Variants in TMEM245 observed in about 807,000 individuals in gnomAD.
TMEM245 encodes the protein protein CG-2.
A neutral mutation model predicts 101.2 loss-of-function variants in TMEM245; 69 were observed. That is an observed-to-expected ratio of 0.68 (90% CI 0.56 to 0.83). The LOEUF is 0.83. TMEM245 is among the 40% of genes least tolerant of loss of function. TMEM245 has a pLI of 0.00. For missense variants in TMEM245, 1,075 were observed against 1,092.8 expected, an observed-to-expected ratio of 0.98 and a Z score of 0.23; for synonymous variants, 537 against 449.8, an observed-to-expected ratio of 1.19 and a Z score of -2.45.
At chr9:109,057,409 C>T (rs1828872674) in intron 11 of TMEM245, 87 bp from the exon 12 acceptor site, 10 of 1,453,868 alleles carry the variant, frequency 6.9e-6, no homozygotes, top group Non-Finnish European at 9.4e-6. Context: ...TTCAGGTCCC[C>T]TTCATCACTT....
chr9:109,119,283 C>G (rs1273109880), intron 1 of TMEM245, 52 bp downstream of exon 1: 3 of 1,490,648 alleles, frequency 2.0e-6, no homozygotes, highest in African/African-American at 1.4e-5. Flanking sequence ...GATTGCACCC[C>G]AGAGCGCCGG....
intron 14 of TMEM245, among the ~76,000 whole-genome samples, chr9:109,039,497 G>C (rs1828239164): frequency 6.6e-6 from 1 of 152,058 alleles, no homozygotes; most frequent in Non-Finnish European, 1.5e-5. Context: ...TGCAAGAAAA[G>C]GGCAGTTTGT....
chr9:109,051,444 C>A (rs1026700852), intron 12 of TMEM245, among the ~76,000 whole-genome samples: 2 of 151,984 alleles, frequency 1.3e-5, no homozygotes, highest in African/African-American at 4.8e-5. Context: ...GCAATTTCGT[C>A]CTGCAAATGT....
chr9:109,035,899 C>T (rs759345716), intron 16 of TMEM245: 158 of 169,178 alleles, frequency 9.3e-4, no homozygotes, highest in Non-Finnish European at 1.4e-3. Flanking sequence ...GCCATGACTG[C>T]ACCCTGCACT....
At chr9:109,118,589 A>G (rs1039142492) in intron 1 of TMEM245, among the ~76,000 whole-genome samples, 2 of 152,232 alleles carry the variant, frequency 1.3e-5, no homozygotes, top group Non-Finnish European at 2.9e-5. Context: ...GGTTAATCCA[A>G]GCATCACAAA....
intron 4 of TMEM245, among the ~76,000 whole-genome samples, chr9:109,093,238 G>GA (rs1220819335): frequency 6.6e-6 from 1 of 151,808 alleles, no homozygotes; most frequent in Non-Finnish European, 1.5e-5. Context: ...TTTTAAAAAG[G>GA]AAAGAACAAA....
intron 9 of TMEM245, among the ~76,000 whole-genome samples, chr9:109,068,628 C>T (rs1829242003): frequency 6.6e-6 from 1 of 152,090 alleles, no homozygotes; most frequent in Non-Finnish European, 1.5e-5. Flanking sequence ...TAGAGTGAGA[C>T]TCTGTGTCAA....
At chr9:109,058,525 C>A (rs775412997) in intron 11 of TMEM245, among the ~76,000 whole-genome samples, 1 of 151,972 alleles carries the variant, frequency 6.6e-6, no homozygotes, top group East Asian at 2.0e-4. Flanking sequence ...TGAGCCTAGC[C>A]GTTCAAGACC....
intron 15 of TMEM245, among the ~76,000 whole-genome samples, chr9:109,037,072 C>T (rs187729725): frequency 4.6e-4 from 70 of 151,974 alleles, no homozygotes; most frequent in African/African-American, 1.6e-3. Context: ...GAAGGAAGCA[C>T]AGACAAATAG....
intron 7 of TMEM245, among the ~76,000 whole-genome samples, chr9:109,083,916 A>AAAAAAAAAAAAAAAAC (rs1554725101): frequency 7.5e-6 from 1 of 132,502 alleles, no homozygotes; most frequent in Non-Finnish European, 1.6e-5. Context: ...AAAAAAAAAA[A>AAAAAAAAAAAAAAAAC]AAAAAAAAAA....
intron 1 of TMEM245, among the ~76,000 whole-genome samples, chr9:109,111,167 T>A (rs924020978): frequency 1.3e-5 from 2 of 152,172 alleles, no homozygotes; most frequent in Non-Finnish European, 2.9e-5. Context: ...GGGAGAGGCA[T>A]AAGACTTGAT....
rs969092857 is a variant in TMEM245 at position 109,108,712 on chromosome 9, C to T, written c.580-142G>A. The T allele has an allele frequency of 1.1e-5, 6 of 525,568 alleles. No homozygotes were observed. The East Asian group carries it at 1.2e-4, about 11-fold the overall frequency. 32.6% of individuals were successfully genotyped at this position (525,568 alleles called of 1,614,324 possible). ...ATGAAGGTTGATGGTGTCAAAGAAA[C>T]GTACCTAGGTTCTCCTCGTTTGGAG... On this transcript the variant is annotated intron_variant, in intron 1 of 17. Coordinates refer to ENST00000374586, the MANE Select transcript of TMEM245 (RefSeq NM_032012.4).
intron 1 of TMEM245, 25 bp from the exon 2 acceptor site, chr9:109,108,595 G>A: frequency 2.0e-6 from 3 of 1,514,284 alleles, no homozygotes; most frequent in Non-Finnish European, 2.7e-6. Flanking sequence ...AGACACAGCT[G>A]TAAAATCTAT....
At chr9:109,090,656 G>A (rs1829972303) in intron 5 of TMEM245, among the ~76,000 whole-genome samples, 1 of 151,330 alleles carries the variant, frequency 6.6e-6, no homozygotes, top group East Asian at 2.0e-4. Flanking sequence ...CCTGGGAGGT[G>A]GAGCTTGCAG....
intron 5 of TMEM245, among the ~76,000 whole-genome samples, 184 bp downstream of exon 5, chr9:109,090,738 T>C (rs1157782146): frequency 6.7e-6 from 1 of 148,612 alleles, no homozygotes; most frequent in Non-Finnish European, 1.5e-5. Flanking sequence ...AAAAGTGAAA[T>C]ATTAAAGATG....
rs913682662 is a variant in TMEM245 at position 109,016,903 on chromosome 9, G to T, written c.*3557C>A. ...CCTCAGAGGAGACTGCAAGGTCAGGGCTAGAGTATGAGAAGTCCTAAGGGT... is the reference window on the plus strand; with the variant it reads ...CCTCAGAGGAGACTGCAAGGTCAGGTCTAGAGTATGAGAAGTCCTAAGGGT... On this transcript the variant is annotated 3_prime_UTR_variant, in exon 18 of 18. Coordinates refer to ENST00000374586, the MANE Select transcript of TMEM245 (RefSeq NM_032012.4). 2.6e-5 allele frequency: 4 copies of T among 152,006 alleles called. No individual in the cohort carries two copies. Among genetic ancestry groups the T allele is most frequent in the African/African-American group, 9.7e-5 (4 of 41,380 alleles). The allele number at this position is 152,006 out of a possible 1,614,324, so 9.4% of individuals were successfully genotyped here.
intron 16 of TMEM245, among the ~76,000 whole-genome samples, chr9:109,033,940 C>A (rs189617090): frequency 6.6e-6 from 1 of 152,258 alleles, no homozygotes; most frequent in East Asian, 1.9e-4. Flanking sequence ...TGAGAGCATC[C>A]CTGTTACTCA....
intron 1 of TMEM245, 66 bp downstream of exon 1, chr9:109,119,269 G>T (rs1251947847): frequency 1.4e-6 from 2 of 1,441,334 alleles, no homozygotes; most frequent in Non-Finnish European, 1.8e-6. Context: ...AGGAACAGCT[G>T]CAGGATTGCA....
intron 8 of TMEM245, among the ~76,000 whole-genome samples, chr9:109,079,648 A>G (rs1367689521): frequency 6.6e-6 from 1 of 152,158 alleles, no homozygotes; most frequent in Non-Finnish European, 1.5e-5. Flanking sequence ...CAGAGAAGCA[A>G]AAGCTCACTG....
Sources: gnomAD v4.1 joint callset for allele counts (sites outside exome capture counted in the v4.1 genomes callset) on GRCh38, gnomAD v4.1.1 for gene constraint, MANE v1.5 for transcripts, NCBI Gene and HGNC (gene_info 2026-07-23, HGNC 2026-07-21) for gene names.